DNAH11: variants seen among roughly 807,000 people sequenced by gnomAD.
DNAH11 encodes the protein axonemal beta dynein heavy chain 11.
In DNAH11, 442 loss-of-function variants were observed where a neutral mutation model predicts 526.0. The ratio of observed to expected loss-of-function variants is 0.84; its 90% CI spans 0.78 to 0.91. The LOEUF (loss-of-function observed/expected upper bound fraction) is 0.91, where lower values mean the gene tolerates loss of function less well. DNAH11 is among the 40% of genes least tolerant of loss of function. The probability of loss-of-function intolerance (pLI) is 0.00; values close to 1 mark genes in which losing one functional copy is unlikely to be tolerated. For missense variants in DNAH11, 6,989 were observed against 5,448.7 expected, an observed-to-expected ratio of 1.28 and a Z score of -8.90; for synonymous variants, 2,461 against 1,935.9, an observed-to-expected ratio of 1.27 and a Z score of -7.12.
At chr7:21,724,907 T>C (rs1396804074) in intron 44 of DNAH11, among the ~76,000 whole-genome samples, 1 of 151,930 alleles carries the variant, frequency 6.6e-6, no homozygotes, top group Admixed American at 6.5e-5. Flanking sequence ...CCTATGGATA[T>C]AGGAGTCACT....
intron 67 of DNAH11, among the ~76,000 whole-genome samples, chr7:21,853,101 C>T (rs1189255307): frequency 6.6e-6 from 1 of 152,214 alleles, no homozygotes; most frequent in African/African-American, 2.4e-5. Flanking sequence ...CTCAAATGCA[C>T]TATTCACCCC....
At chr7:21,692,928 T>C (rs1043275805) in intron 35 of DNAH11, among the ~76,000 whole-genome samples, 1 of 152,208 alleles carries the variant, frequency 6.6e-6, no homozygotes, top group Non-Finnish European at 1.5e-5. Flanking sequence ...GCTAATGATG[T>C]TGAGCCTCTT....
intron 2 of DNAH11, among the ~76,000 whole-genome samples, chr7:21,548,642 G>A (rs1238002562): frequency 4.6e-5 from 7 of 152,162 alleles, no homozygotes; most frequent in Non-Finnish European, 7.4e-5. Flanking sequence ...AGGTTACAGA[G>A]GTTCCTTTTC....
intron 58 of DNAH11, 96 bp downstream of exon 58, chr7:21,784,636 C>A: frequency 1.3e-6 from 1 of 775,946 alleles, no homozygotes; most frequent in Non-Finnish European, 1.9e-6. Flanking sequence ...CCCATTACAG[C>A]CAAAAAGTAT....
intron 8 of DNAH11, among the ~76,000 whole-genome samples, chr7:21,579,054 G>T (rs1039891348): frequency 3.9e-5 from 6 of 152,138 alleles, no homozygotes. Context: ...TTGGCTTATT[G>T]CACTTGCCTC....
chr7:21,823,242 T>C (rs1363231807), intron 65 of DNAH11, among the ~76,000 whole-genome samples: 2 of 152,172 alleles, frequency 1.3e-5, no homozygotes, highest in Admixed American at 6.6e-5. Context: ...TGATAGGGTT[T>C]TTATGAGTGC....
chr7:21,730,730 T>G (rs376722610), intron 45 of DNAH11, among the ~76,000 whole-genome samples: 26 of 152,264 alleles, frequency 1.7e-4, no homozygotes, highest in African/African-American at 6.3e-4. Flanking sequence ...ATACAAAATT[T>G]CAGTTAGGAG....
chr7:21,559,019 T>A, intron 3 of DNAH11, 21 bp downstream of exon 3: 1 of 1,547,848 alleles, frequency 6.5e-7, no homozygotes, highest in Non-Finnish European at 8.7e-7. Context: ...GTACAATATA[T>A]ACAGGATATT....
Position 21,884,277 on chromosome 7 carries a change from G to A in DNAH11, c.12388-14G>A. 1 of 1,594,026 alleles carries A rather than the reference G, an allele frequency of 6.3e-7. No homozygotes were observed. Among genetic ancestry groups the A allele is most frequent in the Non-Finnish European group, 8.5e-7 (1 of 1,170,492 alleles). ...TGCACCCAGCAGTGAATATTTGTGTGGTTTTCTCCACAGGTCCCATGGGAA... is the reference window on the plus strand; with the variant it reads ...TGCACCCAGCAGTGAATATTTGTGTAGTTTTCTCCACAGGTCCCATGGGAA... On this transcript the variant is annotated splice_polypyrimidine_tract_variant and intron_variant, in intron 75 of 81. Transcript: ENST00000409508.
chr7:21,707,663 T>C (rs771563344), intron 39 of DNAH11, 36 bp from the exon 40 acceptor site: 5 of 1,599,460 alleles, frequency 3.1e-6, no homozygotes, highest in Middle Eastern at 1.7e-4. Context: ...CTTATGTTAG[T>C]ATTAATTTTT....
At chr7:21,605,784 C>T (rs1416793077) in intron 18 of DNAH11, among the ~76,000 whole-genome samples, 1 of 152,126 alleles carries the variant, frequency 6.6e-6, no homozygotes, top group Non-Finnish European at 1.5e-5. Flanking sequence ...AAAGTCATTT[C>T]CAGAGCACTT....
At chr7:21,856,878 A>G (rs1157968725) in intron 68 of DNAH11, among the ~76,000 whole-genome samples, 1 of 152,194 alleles carries the variant, frequency 6.6e-6, no homozygotes, top group Non-Finnish European at 1.5e-5. Context: ...CCAACATTAT[A>G]CTTAATGTTG....
intron 19 of DNAH11, 32 bp from the exon 20 acceptor site, chr7:21,606,614 AC>A (rs1785294706): frequency 5.3e-6 from 6 of 1,126,666 alleles, no homozygotes; most frequent in Non-Finnish European, 7.3e-6. Context: ...TTTGAAATTC[AC>A]TTTTTTTTTT....
intron 8 of DNAH11, among the ~76,000 whole-genome samples, chr7:21,574,867 CTTTTTTTTTTTTTTTT>C (rs869117425): frequency 2.3e-5 from 1 of 42,850 alleles, no homozygotes; most frequent in Non-Finnish European, 3.8e-5. Context: ...CTGCACTGGG[CTTTTTTTTTTTTTTTT>C]TTTTTTTTTT....
At chr7:21,631,561 C>T (rs1786610423) in intron 25 of DNAH11, among the ~76,000 whole-genome samples, 1 of 152,108 alleles carries the variant, frequency 6.6e-6, no homozygotes, top group Non-Finnish European at 1.5e-5. Flanking sequence ...AGAAAGCAGC[C>T]AAAACAAAGG....
At chr7:21,730,776 G>T (rs11984111) in intron 45 of DNAH11, among the ~76,000 whole-genome samples, 2 of 152,130 alleles carry the variant, frequency 1.3e-5, no homozygotes. Flanking sequence ...CATGGTGACT[G>T]TAATTAATAA....
intron 11 of DNAH11, 96 bp downstream of exon 11, chr7:21,588,732 C>T: frequency 7.1e-7 from 1 of 1,413,250 alleles, no homozygotes. Context: ...ACTTAGGAAG[C>T]CATTGCCCTG....
In DNAH11 at chr7:21,843,482, G is replaced by GTT. The variant is rs569307380; in HGVS notation, c.10896+749_10896+750dup. 5.1e-3 allele frequency among the ~76,000 whole-genome samples: 671 copies of GTT among 130,840 alleles called. 9 individuals carry two copies. Among genetic ancestry groups the GTT allele is most frequent in the African/African-American group, 0.014 (498 of 34,624 alleles). The allele number at this position is 130,840 out of a possible 152,430, so 85.8% of individuals were successfully genotyped here. On this transcript the variant is annotated intron_variant, in intron 66 of 81. Transcript: ENST00000409508. The stretch of plus-strand genomic sequence containing the variant: ...GGAATGCTATGCTCAGGTTTTTTTT[G>GTT]TTTTTTTTTTTTTTTTGAGACAGAG...
At chr7:21,824,851 C>T (rs1790206471) in intron 65 of DNAH11, among the ~76,000 whole-genome samples, 1 of 152,100 alleles carries the variant, frequency 6.6e-6, no homozygotes, top group Non-Finnish European at 1.5e-5. Flanking sequence ...CTCCTTCTGG[C>T]TCTAGTTCTT....
Sources: allele counts gnomAD v4.1 joint callset (sites outside exome capture counted in the v4.1 genomes callset), GRCh38; gene constraint gnomAD v4.1.1; transcripts MANE v1.5; gene names NCBI Gene and HGNC (gene_info 2026-07-23, HGNC 2026-07-21).